SH3GL3: variants seen among roughly 807,000 people sequenced by gnomAD.
SH3GL3 encodes the protein endophilin-A3.
A neutral mutation model predicts 47.7 loss-of-function variants in SH3GL3; 33 were observed. The observed-to-expected ratio is 0.69, with a 90% CI of 0.52 to 0.92. The LOEUF (loss-of-function observed/expected upper bound fraction) is 0.92, where lower values mean the gene tolerates loss of function less well. SH3GL3 is among the 40% of genes least tolerant of loss of function. SH3GL3 has a pLI of 0.00. For synonymous variants in SH3GL3, 155 were observed against 148.8 expected (o/e 1.04, Z -0.30); for missense variants, 363 against 417.8 (o/e 0.87, Z 1.14).
chr15:83,468,777 G>A (rs2040696248), intron 1 of SH3GL3, among the ~76,000 whole-genome samples: 1 of 150,358 alleles, frequency 6.7e-6, no homozygotes, highest in African/African-American at 2.4e-5. Flanking sequence ...CTATATCCAT[G>A]AGGGATATTG....
Position 83,618,515 on chromosome 15 carries a change from T to C in SH3GL3, c.*228T>C. The C allele has an allele frequency of 2.0e-6, 1 of 492,896 alleles. No homozygotes were observed. Among genetic ancestry groups the C allele is most frequent in the African/African-American group, 1.9e-5 (1 of 52,490 alleles). 30.5% of individuals were successfully genotyped at this position (492,896 alleles called of 1,614,324 possible). ...TTTTGCTTCCTGTCCTAAAAGTCAT[T>C]GGTTAAATGTATTTGCTTCCTGTGG... On this transcript the variant is annotated 3_prime_UTR_variant, in exon 9 of 9. Coordinates refer to ENST00000427482, the MANE Select transcript of SH3GL3 (RefSeq NM_003027.5).
At chr15:83,624,133 T>G in the SH3GL3 span, among the ~76,000 whole-genome samples, 1 of 152,302 alleles carries the variant, frequency 6.6e-6, no homozygotes, top group East Asian at 1.9e-4. Context: ...TGACCCTCAG[T>G]GTGGGCACTG....
intron 5 of SH3GL3, among the ~76,000 whole-genome samples, chr15:83,576,209 C>T (rs548477582): frequency 3.9e-5 from 6 of 152,084 alleles, no homozygotes; most frequent in Non-Finnish European, 7.4e-5. Flanking sequence ...AGAAATGTTC[C>T]TACTGTGTTT....
chr15:83,599,323 A>G (rs1177619100), intron 8 of SH3GL3, among the ~76,000 whole-genome samples: 2 of 152,136 alleles, frequency 1.3e-5, no homozygotes, highest in South Asian at 2.1e-4. Context: ...ACTGAACCCA[A>G]TTTGTAGCCT....
intron 8 of SH3GL3, among the ~76,000 whole-genome samples, chr15:83,612,307 A>G (rs2151846705): frequency 6.6e-6 from 1 of 152,286 alleles, no homozygotes; most frequent in Non-Finnish European, 1.5e-5. Context: ...GCTCACTTCC[A>G]CAGCTGAGGT....
intron 1 of SH3GL3, among the ~76,000 whole-genome samples, chr15:83,490,422 G>A (rs2041828522): frequency 6.6e-6 from 1 of 152,100 alleles, no homozygotes; most frequent in African/African-American, 2.4e-5. Flanking sequence ...TCTCAGAGAG[G>A]AAGCCAAGGT....
intron 6 of SH3GL3, 23 bp downstream of exon 6, chr15:83,576,764 A>C (rs745789348): frequency 4.7e-6 from 7 of 1,493,394 alleles, no homozygotes; most frequent in Non-Finnish European, 6.5e-6. Flanking sequence ...ACCAAATAGG[A>C]GATTTTAATG....
In SH3GL3 at chr15:83,576,705, G is replaced by A. The variant is rs1055687374; in HGVS notation, c.588G>A (p.Leu196=). 3.7e-6 allele frequency: 6 copies of A among 1,612,006 alleles called. No homozygotes were observed. Among genetic ancestry groups the A allele is most frequent in the Non-Finnish European group, 5.1e-6 (6 of 1,179,110 alleles). ...AAAAATTTGAAGAGTCAAAGGAGTT[G>A]GCTGAAAGAAGCATGTTTAACTTTT... The part of the protein sequence containing the change: ...AVEKFEESKE[L]AERSMFNFLE... The change falls in exon 6 of 9, where the codon TTG becomes TTA. Residue 196 remains leucine (L), a synonymous_variant. Coordinates refer to ENST00000427482, the MANE Select transcript of SH3GL3 (RefSeq NM_003027.5).
chr15:83,552,520 G>A (rs2044715854), intron 1 of SH3GL3, among the ~76,000 whole-genome samples: 2 of 152,204 alleles, frequency 1.3e-5, no homozygotes, highest in African/African-American at 4.8e-5. Flanking sequence ...GCTCTATATG[G>A]TATTGATTGA....
intron 1 of SH3GL3, among the ~76,000 whole-genome samples, chr15:83,492,637 G>A (rs1212565440): frequency 6.6e-6 from 1 of 152,172 alleles, no homozygotes; most frequent in Non-Finnish European, 1.5e-5. Context: ...AGAATTAATG[G>A]CCTAGAGAGT....
chr15:83,545,883 C>T (rs1231551707), intron 1 of SH3GL3, among the ~76,000 whole-genome samples: 23 of 152,148 alleles, frequency 1.5e-4, no homozygotes, highest in African/African-American at 4.8e-5. Flanking sequence ...CAAACAAATG[C>T]AATCTCTCTC....
chr15:83,581,067 G>C (rs2059816530), intron 6 of SH3GL3, among the ~76,000 whole-genome samples: 1 of 152,340 alleles, frequency 6.6e-6, no homozygotes, highest in South Asian at 2.1e-4. Flanking sequence ...TGGGGGAAGA[G>C]CTGGTGCCTT....
At chr15:83,572,787 C>T in intron 5 of SH3GL3, 89 bp downstream of exon 5, 3 of 957,100 alleles carry the variant, frequency 3.1e-6, no homozygotes, top group Non-Finnish European at 4.7e-6. Context: ...AGACTGAAAG[C>T]ATCATCTTAT....
At chr15:83,510,019 G>A (rs1271232920) in intron 1 of SH3GL3, among the ~76,000 whole-genome samples, 1 of 152,042 alleles carries the variant, frequency 6.6e-6, no homozygotes, top group Non-Finnish European at 1.5e-5. Context: ...ATATATTAAT[G>A]TATGTGTTCA....
At chr15:83,549,944 C>T (rs2044581002) in intron 1 of SH3GL3, among the ~76,000 whole-genome samples, 1 of 152,190 alleles carries the variant, frequency 6.6e-6, no homozygotes, top group African/African-American at 2.4e-5. Flanking sequence ...ATTTCCCTTC[C>T]TCCAGATTTT....
chr15:83,448,664 A>G lies in SH3GL3; in HGVS notation c.45+1086A>G, dbSNP rs551099898. ...GGTAGACAGATTTCATTCAACGTCC[A>G]CATTTGTGGTGAGGTCTCATCCTGC... On this transcript the variant is annotated intron_variant, in intron 1 of 8. Coordinates refer to ENST00000427482, the MANE Select transcript of SH3GL3 (RefSeq NM_003027.5). The surrounding 1 kb of genome is among the most constrained non-coding windows in gnomAD (Gnocchi z 4.2). Among the ~76,000 whole-genome samples the G allele has an allele frequency of 2.0e-5, 3 of 152,112 alleles. No individual in the cohort carries two copies. Among genetic ancestry groups the G allele is most frequent in the Non-Finnish European group, 4.4e-5 (3 of 68,036 alleles).
chr15:83,479,785 T>C (rs1039962559), intron 1 of SH3GL3, among the ~76,000 whole-genome samples: 3 of 152,152 alleles, frequency 2.0e-5, no homozygotes, highest in Admixed American at 2.0e-4. Context: ...TGCTCTCCTG[T>C]CTAAGGTGGA....
the SH3GL3 span, among the ~76,000 whole-genome samples, chr15:83,630,778 G>T: frequency 6.6e-6 from 1 of 152,132 alleles, no homozygotes; most frequent in Non-Finnish European, 1.5e-5. Context: ...TTCAAGATGA[G>T]ATTTGGGCGG....
At chr15:83,507,333 A>G (rs935841560) in intron 1 of SH3GL3, among the ~76,000 whole-genome samples, 2 of 151,668 alleles carry the variant, frequency 1.3e-5, no homozygotes, top group African/African-American at 4.8e-5. Context: ...TTAATGAATG[A>G]TCTTTACTGA....
Sources: gnomAD v4.1 joint callset for allele counts (sites outside exome capture counted in the v4.1 genomes callset) on GRCh38, gnomAD v4.1.1 for gene constraint, Gnocchi (gnomAD v3.1) non-coding constraint, MANE v1.5 for transcripts, NCBI Gene and HGNC (gene_info 2026-07-23, HGNC 2026-07-21) for gene names.